The following IRGQ variants were observed in gnomAD, a reference collection of about 807,000 sequenced individuals.
The protein encoded by IRGQ is immunity related GTPase Q.
In IRGQ, 5 loss-of-function variants were observed where a neutral mutation model predicts 10.5. That is an observed-to-expected ratio of 0.48 (90% confidence interval 0.25 to 1.00). IRGQ has a LOEUF of 1.00. IRGQ is among the 50% of genes least tolerant of loss of function. The pLI is 0.16. For missense variants in IRGQ, 792 were observed against 877.7 expected (o/e 0.90, Z 1.23); for synonymous variants, 418 against 426.0 (o/e 0.98, Z 0.23).
rs1242665886 is a variant in IRGQ at position 43,592,147 on chromosome 19, C to A, written c.1751G>T (p.Gly584Val). The change falls in exon 3 of 3, where the codon GGT (glycine) becomes GTT (valine). Residue 584 changes from glycine to valine, a missense_variant. By Grantham distance (109) the Gly-to-Val change is moderately radical. Transcript: ENST00000422989. ...LGALSFLWPA[G>V]GAAATGGLGY... ...CAGGCCACCTGTCGCCGCTGCACCA[C>A]CCGCAGGCCACAGGAAGGAGAGAGC... is the stretch of plus-strand genomic sequence containing the variant. The A allele has an allele frequency of 3.7e-6, 6 of 1,610,092 alleles. No homozygotes were observed. The South Asian group carries it at 5.5e-5, about 15-fold the overall frequency.
Position 43,592,985 on chromosome 19 carries a change from G to T in IRGQ, c.913C>A (p.Pro305Thr), listed in dbSNP as rs763621442. 2.5e-5 allele frequency: 41 copies of T among 1,608,802 alleles called. 1 individual carries two copies. In the South Asian group the frequency reaches 4.2e-4, roughly 16 times the overall value. The change falls in exon 3 of 3, where the codon CCT becomes ACT. Residue 305 changes from proline to threonine, a missense_variant. Transcript: ENST00000422989. ...THYDALILVT[P>T]GAPTEKDWAQ... ...CAGTCCTTCTCAGTGGGGGCCCCAG[G>T]GGTGACGAGGATGAGGGCGTCGTAG...
chr19:43,594,780 ACGGAC>A, intron 2 of IRGQ, 24 bp downstream of exon 2: 1 of 1,571,144 alleles, frequency 6.4e-7, no homozygotes, highest in Non-Finnish European at 8.6e-7. Context: ...GTCTCGACTA[ACGGAC>A]CCAGCCAGAA....
Position 43,585,320 on chromosome 19 carries a change from C to G in IRGQ, c.*6706G>C, listed in dbSNP as rs1300467781. 6.6e-6 allele frequency: 1 copy of G among 152,134 alleles called. No individual in the cohort carries two copies. The highest frequency in any genetic ancestry group is 2.4e-5 in the African/African-American group (1 of 41,344). 9.4% of individuals were successfully genotyped at this position (152,134 alleles called of 1,614,324 possible). On this transcript the variant is annotated 3_prime_UTR_variant, in exon 3 of 3. Coordinates refer to ENST00000422989, the MANE Select transcript of IRGQ (RefSeq NM_001007561.3). ...GCGGCGCAGTCTCAGCTCACTACAA[C>G]CTCCGCCTCCCAGGTTCAAGCTATT...
intron 1 of IRGQ, chr19:43,595,629 C>A: frequency 3.6e-6 from 1 of 278,432 alleles, no homozygotes; most frequent in East Asian, 6.3e-5. Context: ...TTTGGGAGGC[C>A]GAGGCCGGAG....
In IRGQ at chr19:43,592,752, G is replaced by A. The variant is rs1258658052; in HGVS notation, c.1146C>T (p.Ser382=). The A allele has an allele frequency of 1.2e-6, 2 of 1,612,650 alleles. No homozygotes were observed. Among genetic ancestry groups the A allele is most frequent in the Non-Finnish European group, 1.7e-6 (2 of 1,179,996 alleles). Residue 382 remains serine (S), a synonymous_variant, in exon 3 of 3, where the codon AGC becomes AGT. Transcript: ENST00000422989. ...KCSAGSQKAG[S]GEGPGKAGSE... ...TGCCAGCTTTCCCAGGACCTTCCCC[G>A]CTGCCTGCTTTCTGCGATCCAGCGC... is the stretch of plus-strand genomic sequence containing the variant.
rs1465680196 is a variant in IRGQ, at chr19:43,589,230, C to T, written c.*2796G>A. ...TCTCTCCCATTAAATGCTTTTTTCT[C>T]CTCATCTTGCTCCATTTTCCTATCT... On this transcript the variant is annotated 3_prime_UTR_variant, in exon 3 of 3. Transcript: ENST00000422989. The T allele has an allele frequency of 6.6e-6, 1 of 152,168 alleles. No individual in the cohort carries two copies. Among genetic ancestry groups the T allele is most frequent in the African/African-American group, 2.4e-5 (1 of 41,430 alleles). The allele number at this position is 152,168 out of a possible 1,614,324, so 9.4% of individuals were successfully genotyped here.
Position 43,592,599 on chromosome 19 carries a change from G to C in IRGQ, c.1299C>G (p.Pro433=), listed in dbSNP as rs1183905944. The C allele has an allele frequency of 1.9e-6, 3 of 1,600,842 alleles. No individual in the cohort carries two copies. In the African/African-American group the frequency reaches 4.0e-5, roughly 21 times the overall value. The change falls in exon 3 of 3, where the codon CCC becomes CCG. Residue 433 remains proline (P), a synonymous_variant. Coordinates refer to ENST00000422989, the MANE Select transcript of IRGQ (RefSeq NM_001007561.3). ...GCCCTGGGAGTCCGCCAGGCCGTAG[G>C]GGGAACACTGGCGGCGGCGCCTCCT... The part of the protein sequence containing the change: ...VLEEAPPPVF[P]LRPGGLPGLC...
rs1478290418 is a variant in IRGQ at position 43,595,255 on chromosome 19, G to A, written c.84C>T (p.Cys28=). Residue 28 remains cysteine, a synonymous_variant, in exon 2 of 3, where the codon TGC becomes TGT. Coordinates refer to ENST00000422989, the MANE Select transcript of IRGQ (RefSeq NM_001007561.3). Reference sequence around the variant, plus strand: ...CCTCGAGCGTCTCCACATCCTTGTCGCACAGCGCTGCGATCAGCGCGGACT... The same window carrying A: ...CCTCGAGCGTCTCCACATCCTTGTCACACAGCGCTGCGATCAGCGCGGACT... ...LGKSALIAAL[C]DKDVETLEAP... is the part of the protein sequence containing the mutation. 6.2e-7 allele frequency: 1 copy of A among 1,611,630 alleles called. No individual in the cohort carries two copies. The highest frequency in any genetic ancestry group is 1.1e-5 in the South Asian group (1 of 90,950).
Position 43,594,845 on chromosome 19 carries a change from C to A in IRGQ, c.494G>T (p.Arg165Leu). Residue 165 changes from arginine to leucine, a missense_variant, in exon 2 of 3, where the codon CGG becomes CTG. Coordinates refer to ENST00000422989, the MANE Select transcript of IRGQ (RefSeq NM_001007561.3). ...SDGCEELERL[R>L]AALQSQAEAL... ...TTCTGCCTGGCTCTGCAGCGCCGCC[C>A]GGAGGCGCTCTAGCTCCTCGCAGCC... 1.2e-6 allele frequency: 2 copies of A among 1,612,580 alleles called. No individual in the cohort carries two copies. Among genetic ancestry groups the A allele is most frequent in the Non-Finnish European group, 8.5e-7 (1 of 1,179,422 alleles).
In IRGQ at chr19:43,591,254, G is replaced by A. The variant is rs1052254930; in HGVS notation, c.*772C>T. 1 of 152,234 alleles carries A rather than the reference G, an allele frequency of 6.6e-6. No homozygotes were observed. The highest frequency in any genetic ancestry group is 1.5e-5 in the Non-Finnish European group (1 of 68,068). 9.4% of individuals were successfully genotyped at this position (152,234 alleles called of 1,614,324 possible). ...CTGCTCCTTGGGGACCTGTGTGCAG[G>A]CTTTTTCTCCCAGAGAAATGTAGAC... On this transcript the variant is annotated 3_prime_UTR_variant, in exon 3 of 3. Transcript: ENST00000422989.
rs1490648166 is a variant in IRGQ, at chr19:43,594,959, G to A, written c.380C>T (p.Ala127Val). ...RPGDSQTAAQ[A>V]RDQTAALLNS... ...CAGCAGAGCTGCTGTCTGATCACGG[G>A]CCTGGGCGGCAGTCTGTGAATCCCC... is the stretch of plus-strand genomic sequence containing the variant. Residue 127 changes from alanine (A) to valine (V), a missense_variant, in exon 2 of 3, where the codon GCC becomes GTC. By Grantham distance (64) the Ala-to-Val change is moderately conservative. Transcript: ENST00000422989. 1.9e-6 allele frequency: 3 copies of A among 1,613,934 alleles called. No homozygotes were observed. Among genetic ancestry groups the A allele is most frequent in the Non-Finnish European group, 2.5e-6 (3 of 1,179,972 alleles).
intron 2 of IRGQ, among the ~76,000 whole-genome samples, chr19:43,594,481 G>A (rs534357599): frequency 2.1e-4 from 32 of 152,102 alleles, no homozygotes; most frequent in Non-Finnish European, 4.7e-4. Context: ...GGTGGAGGCC[G>A]TCAGTGAGCT....
rs1973012958 is a variant in IRGQ at position 43,587,947 on chromosome 19, C to T, written c.*4079G>A. 6.6e-6 allele frequency: 1 copy of T among 151,766 alleles called. No homozygotes were observed. The highest frequency in any genetic ancestry group is 2.1e-4 in the South Asian group (1 of 4,822). 9.4% of individuals were successfully genotyped at this position (151,766 alleles called of 1,614,324 possible). ...AAAAAACCGATGACATGTTGAAATG[C>T]TATTTTGGATACATTGGGTTAAGTA... On this transcript the variant is annotated 3_prime_UTR_variant, in exon 3 of 3. Transcript: ENST00000422989.
rs1368137635 is a variant in IRGQ, at chr19:43,593,393, C to G, written c.531-26G>C. ...CTGTGGGGACAAGAAGGGACAGGGT[C>G]AAAGGTAGAAGAGGGGCTGGGTGAC... On this transcript the variant is annotated intron_variant, in intron 2 of 2. Transcript: ENST00000422989. The surrounding 1 kb of genome is among the most constrained non-coding windows in gnomAD (Gnocchi z 6.4). The G allele has an allele frequency of 6.7e-7, 1 of 1,490,772 alleles. No homozygotes were observed. Among genetic ancestry groups the G allele is most frequent in the East Asian group, 2.3e-5 (1 of 43,444 alleles). The allele number at this position is 1,490,772 out of a possible 1,614,324, so 92.3% of individuals were successfully genotyped here.
In IRGQ at chr19:43,586,513, C is replaced by G. The variant is rs1972995920; in HGVS notation, c.*5513G>C. Reference sequence around the variant, plus strand: ...TTGCTTTCTCAGATATGATCTCTGGCATGACTCCTGCTGGCATGAGGGCAG... The same window carrying G: ...TTGCTTTCTCAGATATGATCTCTGGGATGACTCCTGCTGGCATGAGGGCAG... On this transcript the variant is annotated 3_prime_UTR_variant, in exon 3 of 3. Coordinates refer to ENST00000422989, the MANE Select transcript of IRGQ (RefSeq NM_001007561.3). The G allele has an allele frequency of 6.6e-6, 1 of 152,174 alleles. No individual in the cohort carries two copies. The highest frequency in any genetic ancestry group is 2.1e-4 in the South Asian group (1 of 4,824). 9.4% of individuals were successfully genotyped at this position (152,174 alleles called of 1,614,324 possible). A position where few individuals can be genotyped will look rare whatever the true frequency, so the allele number is the denominator to read the frequency against.
Position 43,593,000 on chromosome 19 carries a change from G to C in IRGQ, c.898C>G (p.Leu300Val). 2 of 1,608,154 alleles carry C rather than the reference G, an allele frequency of 1.2e-6. No individual in the cohort carries two copies. Among genetic ancestry groups the C allele is most frequent in the Non-Finnish European group, 1.7e-6 (2 of 1,178,860 alleles). Residue 300 changes from leucine to valine, a missense_variant, in exon 3 of 3, where the codon CTC becomes GTC. Coordinates refer to ENST00000422989, the MANE Select transcript of IRGQ (RefSeq NM_001007561.3). ...AASHPTHYDA[L>V]ILVTPGAPTE... ...GGGGCCCCAGGGGTGACGAGGATGA[G>C]GGCGTCGTAGTGCGTTGGGTGAGAG... is the stretch of plus-strand genomic sequence containing the variant.
rs914778474 is a variant in IRGQ, at chr19:43,593,469, T to C, written c.531-102A>G. The stretch of plus-strand genomic sequence containing the variant: ...CAGAGCTTTCCTAATGATCCCAGAA[T>C]GGGGCAGGGGTAGGAAAGGGAAGGG... On this transcript the variant is annotated intron_variant, in intron 2 of 2. Transcript: ENST00000422989. The surrounding 1 kb of genome is among the most constrained non-coding windows in gnomAD (Gnocchi z 6.4). 1 of 1,250,010 alleles carries C rather than the reference T, an allele frequency of 8.0e-7. No individual in the cohort carries two copies. The highest frequency in any genetic ancestry group is 1.5e-5 in the African/African-American group (1 of 66,790). 77.4% of individuals were successfully genotyped at this position (1,250,010 alleles called of 1,614,324 possible). A position where few individuals can be genotyped will look rare whatever the true frequency, so the allele number is the denominator to read the frequency against.
Position 43,586,163 on chromosome 19 carries a change from T to C in IRGQ, c.*5863A>G, listed in dbSNP as rs1308600652. ...ATGCCAAAATTCATCATACATTTCC[T>C]TGAATTCCTGCCTTCAAGGGTCTTC... On this transcript the variant is annotated 3_prime_UTR_variant, in exon 3 of 3. Transcript: ENST00000422989. The C allele has an allele frequency of 6.6e-6, 1 of 152,230 alleles. No individual in the cohort carries two copies. Among genetic ancestry groups the C allele is most frequent in the Non-Finnish European group, 1.5e-5 (1 of 68,052 alleles). The allele number at this position is 152,230 out of a possible 1,614,324, so 9.4% of individuals were successfully genotyped here. A position where few individuals can be genotyped will look rare whatever the true frequency, so the allele number is the denominator to read the frequency against.
In IRGQ at chr19:43,586,961, C is replaced by T. The variant is rs1973001303; in HGVS notation, c.*5065G>A. On this transcript the variant is annotated 3_prime_UTR_variant, in exon 3 of 3. Coordinates refer to ENST00000422989, the MANE Select transcript of IRGQ (RefSeq NM_001007561.3). ...CCTGTCCAATACCATAGCCACTAAT[C>T]ACATGTGGCTACTCAGTATTAATGT... The T allele has an allele frequency of 6.6e-6, 1 of 152,298 alleles. No homozygotes were observed. The highest frequency in any genetic ancestry group is 2.1e-4 in the South Asian group (1 of 4,822). The allele number at this position is 152,298 out of a possible 1,614,324, so 9.4% of individuals were successfully genotyped here. A position where few individuals can be genotyped will look rare whatever the true frequency, so the allele number is the denominator to read the frequency against.
Sources: gnomAD v4.1 joint callset for allele counts (sites outside exome capture counted in the v4.1 genomes callset) on GRCh38, gnomAD v4.1.1 for gene constraint, Gnocchi (gnomAD v3.1) non-coding constraint, MANE v1.5 for transcripts, NCBI Gene and HGNC (gene_info 2026-07-23, HGNC 2026-07-21) for gene names.